The following BICC1 variants were observed in gnomAD, a reference collection of about 807,000 sequenced individuals.
BICC1 encodes protein bicaudal C homolog 1.
A neutral mutation model predicts 111.0 loss-of-function variants in BICC1; 43 were observed. The observed-to-expected ratio is 0.39, with a 90% CI of 0.30 to 0.50. BICC1 has a LOEUF of 0.50. BICC1 is among the 20% of genes least tolerant of loss of function. The pLI is 0.88. For missense variants in BICC1, 1,091 were observed against 1,203.2 expected, an observed-to-expected ratio of 0.91 and a Z score of 1.38; for synonymous variants, 467 against 434.4, an observed-to-expected ratio of 1.07 and a Z score of -0.93.
intron 1 of BICC1, among the ~76,000 whole-genome samples, chr10:58,607,555 C>T (rs1845268664): frequency 6.6e-6 from 1 of 151,870 alleles, no homozygotes; most frequent in African/African-American, 2.4e-5. Context: ...CGTCCCCCTT[C>T]GCCTTCTCCT....
At chr10:58,568,245 T>C (rs1167013525) in intron 1 of BICC1, among the ~76,000 whole-genome samples, 2 of 152,162 alleles carry the variant, frequency 1.3e-5, no homozygotes, top group Non-Finnish European at 2.9e-5. Context: ...CTCCTTTTTC[T>C]CGTTCTGCTC....
At chr10:58,784,853 C>G in intron 3 of BICC1, 148 bp from the exon 4 acceptor site, 1 of 371,682 alleles carries the variant, frequency 2.7e-6, no homozygotes, top group Non-Finnish European at 4.8e-6. Flanking sequence ...AATAACACAC[C>G]TAGAATTTTA....
chr10:58,744,035 T>G (rs1360928365), intron 3 of BICC1, among the ~76,000 whole-genome samples: 2 of 152,178 alleles, frequency 1.3e-5, no homozygotes, highest in African/African-American at 4.8e-5. Context: ...GCTAATGAAC[T>G]AAGGCAGAAG....
intron 3 of BICC1, among the ~76,000 whole-genome samples, chr10:58,718,456 GACTGT>G (rs1589057491): frequency 6.6e-6 from 1 of 152,262 alleles, no homozygotes; most frequent in East Asian, 1.9e-4. Context: ...TAAACATTCA[GACTGT>G]AGCACTTGTT....
chr10:58,810,644 C>T (rs991254722), intron 17 of BICC1, among the ~76,000 whole-genome samples: 1 of 151,944 alleles, frequency 6.6e-6, no homozygotes, highest in African/African-American at 2.4e-5. Flanking sequence ...TCAGAAGGAT[C>T]AGAAATAGGG....
At chr10:58,603,089 C>G (rs1446992517) in intron 1 of BICC1, among the ~76,000 whole-genome samples, 2 of 152,170 alleles carry the variant, frequency 1.3e-5, no homozygotes, top group Admixed American at 1.3e-4. Context: ...TCAGTGACTG[C>G]TTCTACCATC....
rs777495515 is a variant in BICC1 at position 58,799,142 on chromosome 10, G to A, written c.1615G>A (p.Gly539Arg). 9.3e-6 allele frequency: 15 copies of A among 1,613,806 alleles called. No homozygotes were observed. The highest frequency in any genetic ancestry group is 1.2e-5 in the Non-Finnish European group (14 of 1,179,858). Residue 539 changes from glycine (G) to arginine (R), a missense_variant, in exon 12 of 21, where the codon GGG becomes AGG. Coordinates refer to ENST00000373886, the MANE Select transcript of BICC1 (RefSeq NM_001080512.3). Reference sequence around the variant, plus strand: ...TTTGTTGTCTGGAGTGCCCACCTATGGGCACACAGCTCCATCTCCCCCTCC... The same window carrying A: ...TTTGTTGTCTGGAGTGCCCACCTATAGGCACACAGCTCCATCTCCCCCTCC... Reference protein sequence around the residue: ...NILLSGVPTYGHTAPSPPPGL... With the variant: ...NILLSGVPTYRHTAPSPPPGL...
intron 3 of BICC1, among the ~76,000 whole-genome samples, chr10:58,717,459 T>G (rs1840783514): frequency 6.6e-6 from 1 of 152,076 alleles, no homozygotes; most frequent in South Asian, 2.1e-4. Flanking sequence ...TCTTAGTAAA[T>G]GTAATGTTTT....
At chr10:58,805,531 A>G (rs948329128) in intron 15 of BICC1, among the ~76,000 whole-genome samples, 3 of 152,246 alleles carry the variant, frequency 2.0e-5, no homozygotes, top group African/African-American at 7.2e-5. Context: ...TAAAAACTTC[A>G]TCAAAAATAT....
intron 2 of BICC1, among the ~76,000 whole-genome samples, chr10:58,626,624 G>T (rs1837636740): frequency 6.6e-6 from 1 of 152,164 alleles, no homozygotes; most frequent in Non-Finnish European, 1.5e-5. Flanking sequence ...AACACAGGAA[G>T]ACTGGGTTTT....
rs1227758445 is a variant in BICC1, at chr10:58,793,495, T to C, written c.1059T>C (p.Pro353=). ...LARQYLMGCL[P]LVLMFDMKEE... The stretch of plus-strand genomic sequence containing the variant: ...GTGACATTTTCTAGGGTTGTCTTCC[T>C]CTTGTGTTGATGTTTGATATGAAGG... Residue 353 remains proline (P), a synonymous_variant, in exon 9 of 21, where the codon CCT becomes CCC. Coordinates refer to ENST00000373886, the MANE Select transcript of BICC1 (RefSeq NM_001080512.3). 1 of 1,612,020 alleles carries C rather than the reference T, an allele frequency of 6.2e-7. No individual in the cohort carries two copies. Among genetic ancestry groups the C allele is most frequent in the South Asian group, 1.1e-5 (1 of 90,640 alleles).
At position 58,630,889 on chromosome 10, in the gene BICC1, T is replaced by C. The variant is rs139295597; in HGVS notation, c.237+9988T>C. On this transcript the variant is annotated intron_variant, in intron 2 of 20. Transcript: ENST00000373886. ...TCTGTCAAATCTGTCATTTAAAATA[T>C]GTATACTGCAGCAATACTACGGTAA... is the stretch of plus-strand genomic sequence containing the variant. Among the ~76,000 whole-genome samples the C allele has an allele frequency of 1.4e-3, 209 of 152,298 alleles. 1 individual carries two copies. Among genetic ancestry groups the C allele is most frequent in the Middle Eastern group, 6.8e-3 (2 of 294 alleles).
intron 2 of BICC1, among the ~76,000 whole-genome samples, chr10:58,630,366 T>C (rs1837755756): frequency 6.6e-6 from 1 of 152,132 alleles, no homozygotes; most frequent in Non-Finnish European, 1.5e-5. Flanking sequence ...TGTTCCAGAG[T>C]GAGCGATGCT....
At chr10:58,759,944 G>A (rs896827319) in intron 3 of BICC1, among the ~76,000 whole-genome samples, 1 of 144,030 alleles carries the variant, frequency 6.9e-6, no homozygotes, top group Admixed American at 7.1e-5. Flanking sequence ...GGGCAGCAGA[G>A]TGAGACTCGT....
intron 3 of BICC1, among the ~76,000 whole-genome samples, chr10:58,755,490 CTG>C (rs775237046): frequency 1.2e-4 from 19 of 152,106 alleles, no homozygotes; most frequent in Non-Finnish European, 2.8e-4. Flanking sequence ...CTGAATGAGA[CTG>C]AGAAATCACT....
intron 14 of BICC1, 38 bp downstream of exon 14, chr10:58,801,084 G>C: frequency 6.6e-7 from 1 of 1,517,674 alleles, no homozygotes; most frequent in Non-Finnish European, 8.8e-7. Flanking sequence ...TTGATATTTT[G>C]AAATGATATA....
At chr10:58,817,412 A>G (rs1317208127) in intron 18 of BICC1, 150 bp from the exon 19 acceptor site, 1 of 824,076 alleles carries the variant, frequency 1.2e-6, no homozygotes, top group Non-Finnish European at 1.9e-6. Context: ...GAAAGCCAAT[A>G]TTTCAGTAAA....
At chr10:58,825,415 A>G (rs1260662326) in intron 20 of BICC1, among the ~76,000 whole-genome samples, 1 of 152,222 alleles carries the variant, frequency 6.6e-6, no homozygotes, top group Non-Finnish European at 1.5e-5. Context: ...AAAAAGCTAG[A>G]TATGTCAAGA....
intron 2 of BICC1, among the ~76,000 whole-genome samples, chr10:58,691,273 G>A (rs1406645290): frequency 6.6e-6 from 1 of 152,124 alleles, no homozygotes; most frequent in Non-Finnish European, 1.5e-5. Context: ...ATACACTGTT[G>A]TATTCAAGTT....
Sources: allele counts gnomAD v4.1 joint callset (sites outside exome capture counted in the v4.1 genomes callset), GRCh38; gene constraint gnomAD v4.1.1; transcripts MANE v1.5; gene names NCBI Gene and HGNC (gene_info 2026-07-23, HGNC 2026-07-21).